Variants in NAA38 observed in about 807,000 individuals in gnomAD.
The protein encoded by NAA38 is LSM domain containing 1.
A neutral mutation model predicts 12.6 loss-of-function variants in NAA38; 15 were observed. The ratio of observed to expected loss-of-function variants is 1.19; its 90% CI spans 0.79 to 1.83. The LOEUF (loss-of-function observed/expected upper bound fraction) is 1.83, where lower values mean the gene tolerates loss of function less well. Among genes scored for constraint, NAA38 ranks in the 40% most tolerant of loss-of-function variants. The pLI, the probability that NAA38 is intolerant of heterozygous loss-of-function variation, is 0.00. For missense variants in NAA38, 183 were observed against 171.7 expected, an observed-to-expected ratio of 1.07 and a Z score of -0.37; for synonymous variants, 88 against 69.9, an observed-to-expected ratio of 1.26 and a Z score of -1.29.
chr17:7,871,448 A>AT (rs1299312004), intron 2 of NAA38, among the ~76,000 whole-genome samples: 2 of 151,932 alleles, frequency 1.3e-5, no homozygotes, highest in Admixed American at 6.6e-5. Context: ...CTACTTTTGT[A>AT]TTTTTTTTCT....
intron 2 of NAA38, among the ~76,000 whole-genome samples, chr17:7,870,502 A>G (rs1008285325): frequency 1.3e-5 from 2 of 152,220 alleles, no homozygotes; most frequent in Non-Finnish European, 2.9e-5. Context: ...GAAAAGATAT[A>G]TTGCAGTATT....
chr17:7,857,339 C>T (rs2078832712), intron 1 of NAA38, 44 bp downstream of exon 1: 3 of 1,613,050 alleles, frequency 1.9e-6, no homozygotes, highest in Non-Finnish European at 2.5e-6. Flanking sequence ...CTCCATCTTG[C>T]TGCTTGACTG....
intron 1 of NAA38, among the ~76,000 whole-genome samples, chr17:7,884,069 C>CAA (rs1480974579): frequency 1.4e-4 from 14 of 101,508 alleles, no homozygotes; most frequent in African/African-American, 6.4e-4. Context: ...TCATGCCCCC[C>CAA]CAACACACAC....
At chr17:7,884,942 G>T (rs1236229482) in intron 1 of NAA38, 1 of 1,365,744 alleles carries the variant, frequency 7.3e-7, no homozygotes, top group South Asian at 1.6e-5. Context: ...CGATGAGGAG[G>T]ACGACGACGA....
chr17:7,885,024 T>G, intron 1 of NAA38: 1 of 1,178,952 alleles, frequency 8.5e-7, no homozygotes, highest in Non-Finnish European at 1.0e-6. Context: ...TGCCACCTCT[T>G]CCCGCCGCCG....
intron 1 of NAA38, chr17:7,884,940 A>C (rs1401377446): frequency 7.3e-7 from 1 of 1,367,458 alleles, no homozygotes; most frequent in Non-Finnish European, 9.6e-7. Flanking sequence ...GACGATGAGG[A>C]GGACGACGAC....
chr17:7,869,819 T>C (rs1396353101), intron 2 of NAA38, among the ~76,000 whole-genome samples: 1 of 151,060 alleles, frequency 6.6e-6, no homozygotes, highest in Non-Finnish European at 1.5e-5. Context: ...TGCTAGATGG[T>C]GAAAGGGCCC....
upstream of NAA38, chr17:7,862,507 G>A (rs1371941111): frequency 6.6e-6 from 1 of 152,158 alleles, no homozygotes; most frequent in South Asian, 2.1e-4. Context: ...GGAGGCCGAG[G>A]CATGGGGATC....
intron 2 of NAA38, 50 bp downstream of exon 2, chr17:7,856,965 G>A (rs760583180): frequency 4.4e-6 from 7 of 1,587,298 alleles, no homozygotes; most frequent in Non-Finnish European, 6.0e-6. Flanking sequence ...AATGCCTTGC[G>A]TAAGGTTCCG....
chr17:7,857,979 A>G, upstream of NAA38: 3 of 1,489,246 alleles, frequency 2.0e-6, no homozygotes, highest in Admixed American at 4.7e-5. Context: ...TATTTATCTC[A>G]GTGGACGGTG....
At chr17:7,867,141 G>A (rs930575106) in intron 2 of NAA38, among the ~76,000 whole-genome samples, 3 of 152,134 alleles carry the variant, frequency 2.0e-5, no homozygotes, top group South Asian at 2.1e-4. Context: ...TGGAGAGCTC[G>A]GAGGCAGAAG....
chr17:7,878,681 G>A (rs947918570), intron 2 of NAA38, among the ~76,000 whole-genome samples: 1 of 152,104 alleles, frequency 6.6e-6, no homozygotes, highest in South Asian at 2.1e-4. Flanking sequence ...AGCTGAGATC[G>A]CGCCATTGCA....
At chr17:7,862,093 G>C (rs921310830), upstream of NAA38, 1 of 152,048 alleles carries the variant, frequency 6.6e-6, no homozygotes, top group Non-Finnish European at 1.5e-5. Context: ...AAGACTTTCT[G>C]ATAAATCAGT....
intron 2 of NAA38, among the ~76,000 whole-genome samples, chr17:7,871,595 G>C (rs761343366): frequency 6.6e-6 from 1 of 151,990 alleles, no homozygotes; most frequent in Non-Finnish European, 1.5e-5. Context: ...GCCAGTACCC[G>C]ACCCCAGCAG....
At chr17:7,875,895 T>C (rs1967166931) in intron 2 of NAA38, among the ~76,000 whole-genome samples, 3 of 152,222 alleles carry the variant, frequency 2.0e-5, no homozygotes, top group South Asian at 2.1e-4. Flanking sequence ...TCAAATAATA[T>C]GTGGCCTTTT....
chr17:7,858,080 G>A, upstream of NAA38: 1 of 1,605,528 alleles, frequency 6.2e-7, no homozygotes, highest in Non-Finnish European at 8.5e-7. Context: ...TAGTGAGTAC[G>A]TGCTGAGGAG....
chr17:7,881,835 C>T (rs962048946), intron 2 of NAA38, among the ~76,000 whole-genome samples: 6 of 149,640 alleles, frequency 4.0e-5, no homozygotes, highest in Admixed American at 1.3e-4. Flanking sequence ...GACAGGCAGG[C>T]GGGGAGACAG....
intron 1 of NAA38, among the ~76,000 whole-genome samples, chr17:7,883,867 G>A (rs1330337942): frequency 6.6e-6 from 1 of 151,950 alleles, no homozygotes; most frequent in East Asian, 1.9e-4. Context: ...GAGAAGGGAG[G>A]TGGGGAGGAA....
rs1378334370 is a variant in NAA38, at chr17:7,857,202, C to A, written c.82-4G>T. The A allele has an allele frequency of 5.0e-6, 8 of 1,612,850 alleles. No individual in the cohort carries two copies. In the East Asian group the frequency reaches 6.7e-5, roughly 13 times the overall value. Reference sequence around the variant, plus strand: ...CCTCGCGCTCTCCGTCCGAATCCTGCGCGGGGTGTAACAAGCGCTCAGACC... The same window carrying A: ...CCTCGCGCTCTCCGTCCGAATCCTGAGCGGGGTGTAACAAGCGCTCAGACC... On this transcript the variant is annotated splice_region_variant and splice_polypyrimidine_tract_variant and intron_variant, in intron 1 of 2. Coordinates refer to ENST00000575771, the MANE Select transcript of NAA38 (RefSeq NM_001320925.4).
Sources: gnomAD v4.1 joint callset for allele counts (sites outside exome capture counted in the v4.1 genomes callset) on GRCh38, gnomAD v4.1.1 for gene constraint, MANE v1.5 for transcripts, NCBI Gene and HGNC (gene_info 2026-07-23, HGNC 2026-07-21) for gene names.